The following TNK2 variants were observed in gnomAD, a reference collection of about 807,000 sequenced individuals.
TNK2 encodes activated CDC42 kinase 1.
Under a neutral mutation model 101.8 loss-of-function variants are expected in TNK2, and 83 were observed. The ratio of observed to expected loss-of-function variants is 0.82; its 90% CI spans 0.68 to 0.98. The LOEUF is 0.98. Among genes scored for constraint, TNK2 ranks in the 50% least tolerant of loss-of-function variants. TNK2 has a pLI of 0.00. For synonymous variants in TNK2, 804 were observed against 633.0 expected, an observed-to-expected ratio of 1.27 and a Z score of -4.06; for missense variants, 1,665 against 1,483.2, an observed-to-expected ratio of 1.12 and a Z score of -2.01.
chr3:195,906,438 TG>T (rs1159251809), intron 1 of TNK2, among the ~76,000 whole-genome samples: 3 of 152,124 alleles, frequency 2.0e-5, no homozygotes, highest in African/African-American at 7.2e-5. Flanking sequence ...TTGGCACACG[TG>T]TACAATGACT....
chr3:195,902,784 C>T (rs1222539049), intron 1 of TNK2, among the ~76,000 whole-genome samples: 3 of 151,942 alleles, frequency 2.0e-5, no homozygotes, highest in African/African-American at 7.3e-5. Flanking sequence ...CAGTTTTGCT[C>T]TGTCACCCAG....
At chr3:195,890,663 T>C (rs576003058) in intron 1 of TNK2, among the ~76,000 whole-genome samples, 1 of 152,278 alleles carries the variant, frequency 6.6e-6, no homozygotes, top group Admixed American at 6.5e-5. Flanking sequence ...GGTCTCGAAC[T>C]CCTGAGCTCA....
rs776183942 is a variant in TNK2 at position 195,882,095 on chromosome 3, G to A, written c.843C>T (p.Asp281=). The A allele has an allele frequency of 3.4e-5, 55 of 1,613,388 alleles. No individual in the cohort carries two copies. The highest frequency in any genetic ancestry group is 3.1e-4 in the East Asian group (14 of 44,898). ...GATGTTCCTGCATGACGTAATGGTC[G>A]TCATTCTGAGGTAGTGCTCGCATCA... ...FGLMRALPQN[D]DHYVMQEHRK... is the part of the protein sequence containing the mutation. The change falls in exon 6 of 16, where the codon GAC becomes GAT. Residue 281 remains aspartate (D), a synonymous_variant. Transcript: ENST00000672887. The surrounding 1 kb of genome is among the most constrained non-coding windows in gnomAD (Gnocchi z 4.2).
intron 1 of TNK2, chr3:195,892,483 C>A (rs779349215): frequency 1.6e-5 from 25 of 1,535,536 alleles, no homozygotes; most frequent in Non-Finnish European, 2.1e-5. Context: ...GACGTGCTGC[C>A]GGCATCTCCA....
At chr3:195,868,889 T>A in intron 12 of TNK2, 180 bp from the exon 13 acceptor site, 1 of 669,356 alleles carries the variant, frequency 1.5e-6, no homozygotes, top group East Asian at 3.1e-5. Flanking sequence ...GACCACTCCA[T>A]CAGGAGGGCG....
intron 1 of TNK2, chr3:195,896,179 G>C (rs1355891163): frequency 2.2e-6 from 1 of 452,884 alleles, no homozygotes; most frequent in Non-Finnish European, 4.4e-6. Flanking sequence ...GAAGTCCCAG[G>C]GCAGAGGCTC....
chr3:195,890,316 T>A (rs1757855791), intron 1 of TNK2, among the ~76,000 whole-genome samples: 1 of 152,210 alleles, frequency 6.6e-6, no homozygotes, highest in Admixed American at 6.5e-5. Flanking sequence ...GAGCGTGAGC[T>A]AGCCTGCAAT....
At chr3:195,881,642 C>A (rs1349821529) in intron 6 of TNK2, among the ~76,000 whole-genome samples, 3 of 107,308 alleles carry the variant, frequency 2.8e-5, no homozygotes, top group Admixed American at 9.6e-5. Context: ...AACACCCCCC[C>A]CCCAGCAACG....
chr3:195,881,628 T>C (rs867658669), intron 6 of TNK2, among the ~76,000 whole-genome samples: 210 of 30,144 alleles, frequency 7.0e-3, no homozygotes, highest in East Asian at 9.6e-3. Flanking sequence ...GCATCTATCC[T>C]TGTAACACCC....
At chr3:195,907,273 G>A (rs1761823811) in intron 1 of TNK2, among the ~76,000 whole-genome samples, 1 of 152,202 alleles carries the variant, frequency 6.6e-6, no homozygotes, top group Non-Finnish European at 1.5e-5. Flanking sequence ...GGGTGGCAGC[G>A]CGACAGGCAT....
At chr3:195,892,477 T>C (rs1486110950) in intron 1 of TNK2, 16 of 1,535,596 alleles carry the variant, frequency 1.0e-5, no homozygotes, top group Non-Finnish European at 1.4e-5. Context: ...GGAACCGACG[T>C]GCTGCCGGCA....
chr3:195,873,677 G>T (rs184148301), intron 9 of TNK2, among the ~76,000 whole-genome samples: 1 of 152,200 alleles, frequency 6.6e-6, no homozygotes, highest in African/African-American at 2.4e-5. Flanking sequence ...CCAGGCCGGG[G>T]AGAGAGGACG....
intron 11 of TNK2, 135 bp downstream of exon 11, chr3:195,869,979 A>C (rs890450423): frequency 2.9e-6 from 2 of 679,672 alleles, no homozygotes; most frequent in African/African-American, 1.8e-5. Flanking sequence ...AGCCAGGGAC[A>C]CAGCTGTCCC....
chr3:195,887,074 C>T, intron 2 of TNK2, 27 bp from the exon 3 acceptor site: 2 of 1,577,238 alleles, frequency 1.3e-6, no homozygotes, highest in Non-Finnish European at 1.7e-6. Flanking sequence ...GAACCGCGTG[C>T]TGTGAAGGCC....
chr3:195,866,996 C>T lies in TNK2; in HGVS notation c.3054G>A (p.Leu1018=), dbSNP rs1741294623. Residue 1018 remains leucine, a synonymous_variant, in exon 15 of 16, where the codon CTG becomes CTA. Coordinates refer to ENST00000672887, the MANE Select transcript of TNK2 (RefSeq NM_001382273.1). ...QYLKVEQLFG[L]GLRPRGECHK... ...GGCACTCCCCTCTGGGCCGCAGACCCAGCCCGAAGAGCTGCTCCACCTGGG... is the reference window on the plus strand; with the variant it reads ...GGCACTCCCCTCTGGGCCGCAGACCTAGCCCGAAGAGCTGCTCCACCTGGG... 6.2e-7 allele frequency: 1 copy of T among 1,613,082 alleles called. No homozygotes were observed. Among genetic ancestry groups the T allele is most frequent in the Non-Finnish European group, 8.5e-7 (1 of 1,179,924 alleles).
intron 2 of TNK2, among the ~76,000 whole-genome samples, chr3:195,887,350 C>T (rs1756142339): frequency 6.6e-6 from 1 of 152,120 alleles, no homozygotes; most frequent in Non-Finnish European, 1.5e-5. Context: ...GGTTTTTTTC[C>T]CTCCGTAAAA....
intron 10 of TNK2, 112 bp from the exon 11 acceptor site, chr3:195,870,317 A>T (rs759173538): frequency 1.3e-6 from 2 of 1,542,426 alleles, no homozygotes; most frequent in African/African-American, 2.8e-5. Flanking sequence ...TTGGGTCTGA[A>T]GCACAGGCCT....
In TNK2 at chr3:195,882,384, C is replaced by T. The variant is rs1753545080; in HGVS notation, c.610-56G>A. On this transcript the variant is annotated intron_variant, in intron 5 of 15. Transcript: ENST00000672887. This position sits in a 1 kb window ranked among gnomAD's most constrained non-coding sequence, Gnocchi z 4.2. ...GCTGGAGGACCCTGCCCCTTCTCAG[C>T]AGCCCACGCTGGGCCCCCAGTCCCC... is the stretch of plus-strand genomic sequence containing the variant. 1 of 1,600,266 alleles carries T rather than the reference C, an allele frequency of 6.2e-7. No individual in the cohort carries two copies.
At chr3:195,892,094 C>T (rs2149744403) in intron 1 of TNK2, 1 of 757,926 alleles carries the variant, frequency 1.3e-6, no homozygotes, top group African/African-American at 1.8e-5. Flanking sequence ...GCCCAAGGTT[C>T]TTTGTGCAGC....
Sources: allele counts gnomAD v4.1 joint callset (sites outside exome capture counted in the v4.1 genomes callset), GRCh38; gene constraint gnomAD v4.1.1; non-coding constraint Gnocchi (gnomAD v3.1); transcripts MANE v1.5; gene names NCBI Gene and HGNC (gene_info 2026-07-23, HGNC 2026-07-21).